The following MTCH2 variants were observed in gnomAD, a reference collection of about 807,000 sequenced individuals.
MTCH2 encodes mitochondrial carrier homolog 2.
A neutral mutation model predicts 50.6 loss-of-function variants in MTCH2; 25 were observed. The observed-to-expected ratio is 0.49, with a 90% CI of 0.36 to 0.69. MTCH2 has a LOEUF of 0.69. Ranked by LOEUF, MTCH2 falls within the 30% of genes least tolerant of loss-of-function variation. The pLI, the probability that MTCH2 is intolerant of heterozygous loss-of-function variation, is 0.00. For missense variants in MTCH2, 273 were observed against 384.4 expected, an observed-to-expected ratio of 0.71 and a Z score of 2.42; for synonymous variants, 106 against 132.0, an observed-to-expected ratio of 0.80 and a Z score of 1.35.
chr11:47,633,524 ATATTTTTT>A lies in MTCH2; in HGVS notation c.369+1140_369+1147del, dbSNP rs1377536247. 3.1e-4 allele frequency among the ~76,000 whole-genome samples: 17 copies of A among 55,300 alleles called. 1 individual carries two copies. The South Asian group carries it at 3.1e-3, about 10-fold the overall frequency. The allele number at this position is 55,300 out of a possible 152,430, so 36.3% of individuals were successfully genotyped here. ...TTTTGGAATATATATATATATATAT[ATATTTTTT>A]TTTTTTTTTTTTTTTTTTCTTGAGA... On this transcript the variant is annotated intron_variant, in intron 5 of 12. Coordinates refer to ENST00000302503, the MANE Select transcript of MTCH2 (RefSeq NM_014342.4).
At chr11:47,642,347 CG>C (rs1565979852) in intron 1 of MTCH2, 31 bp downstream of exon 1, 2 of 1,423,342 alleles carry the variant, frequency 1.4e-6, no homozygotes, top group Admixed American at 2.5e-5. Flanking sequence ...AACGGGGCGC[CG>C]GGCGGGGTAG....
the MTCH2 span, among the ~76,000 whole-genome samples, chr11:47,611,670 G>A: frequency 6.6e-6 from 1 of 152,178 alleles, no homozygotes; most frequent in Non-Finnish European, 1.5e-5. Flanking sequence ...GGAAGCTGCT[G>A]AGTCCTGAAT....
chr11:47,632,347 T>C (rs961349044), intron 5 of MTCH2, among the ~76,000 whole-genome samples: 1 of 151,942 alleles, frequency 6.6e-6, no homozygotes, highest in African/African-American at 2.4e-5. Context: ...GGTCTACCAT[T>C]GGCTTTTGCA....
intron 3 of MTCH2, among the ~76,000 whole-genome samples, chr11:47,636,126 T>C (rs2097308340): frequency 6.7e-6 from 1 of 148,984 alleles, no homozygotes; most frequent in Non-Finnish European, 1.5e-5. Context: ...AGAGTCCGTC[T>C]CAAGAAAAAA....
intron 11 of MTCH2, 115 bp from the exon 12 acceptor site, chr11:47,622,891 T>C (rs1296308499): frequency 4.9e-6 from 3 of 611,396 alleles, no homozygotes; most frequent in Non-Finnish European, 5.5e-6. Context: ...GAGATCATTT[T>C]AGTTCAATGA....
At chr11:47,614,463 G>C (rs1431354076), downstream of MTCH2, among the ~76,000 whole-genome samples, 1 of 152,056 alleles carries the variant, frequency 6.6e-6, no homozygotes, top group Non-Finnish European at 1.5e-5. Context: ...TGACCAGCTA[G>C]TTTTTCTTTT....
chr11:47,625,833 A>G, intron 10 of MTCH2, 92 bp from the exon 11 acceptor site: 2 of 959,342 alleles, frequency 2.1e-6, no homozygotes, highest in Non-Finnish European at 3.2e-6. Flanking sequence ...CACTGCGGTG[A>G]GACACTCTAA....
intron 1 of MTCH2, among the ~76,000 whole-genome samples, chr11:47,639,541 G>C (rs2097312000): frequency 6.6e-6 from 1 of 152,212 alleles, no homozygotes; most frequent in Non-Finnish European, 1.5e-5. Context: ...CTTCATGTTA[G>C]AAGAACAGGC....
At chr11:47,610,932 G>C in the MTCH2 span, among the ~76,000 whole-genome samples, 1 of 152,106 alleles carries the variant, frequency 6.6e-6, no homozygotes, top group Non-Finnish European at 1.5e-5. Context: ...CTTTCTCTCT[G>C]TGCATCCCAT....
At chr11:47,638,595 C>T in intron 3 of MTCH2, 104 bp downstream of exon 3, 1 of 542,108 alleles carries the variant, frequency 1.8e-6, no homozygotes, top group East Asian at 3.8e-5. Flanking sequence ...GAAGAAAGGA[C>T]AGGGTTATAA....
chr11:47,612,711 A>G (rs935775556), downstream of MTCH2, among the ~76,000 whole-genome samples: 2 of 151,690 alleles, frequency 1.3e-5, no homozygotes, highest in Admixed American at 6.6e-5. Context: ...CTGGGCAACC[A>G]GAGTGAGACC....
intron 8 of MTCH2, 181 bp from the exon 9 acceptor site, chr11:47,629,227 T>C: frequency 1.8e-6 from 1 of 564,378 alleles, no homozygotes; most frequent in Non-Finnish European, 3.2e-6. Context: ...ACAGCTGTAC[T>C]TGAAGCTGAT....
chr11:47,636,573 A>G (rs2153800702), intron 3 of MTCH2, among the ~76,000 whole-genome samples: 1 of 151,564 alleles, frequency 6.6e-6, no homozygotes, highest in East Asian at 1.9e-4. Context: ...CTCTACTAAA[A>G]ATACAAAAAT....
chr11:47,638,743 A>C lies in MTCH2; in HGVS notation c.235T>G (p.Cys79Gly). Residue 79 changes from cysteine to glycine, a missense_variant, in exon 3 of 13, where the codon TGT becomes GGT. Transcript: ENST00000302503. The stretch of plus-strand genomic sequence containing the variant: ...ACCACAGTTCCAAGGACTCCCGAAC[A>C]CAGTCTTGGAGTTAAGCCTGTGAAC... ...GLFTGLTPRL[C>G]SGVLGTVVHG... 4.3e-6 allele frequency: 6 copies of C among 1,400,354 alleles called. No individual in the cohort carries two copies. The highest frequency in any genetic ancestry group is 5.6e-6 in the Non-Finnish European group (6 of 1,075,418). The allele number at this position is 1,400,354 out of a possible 1,614,324, so 86.7% of individuals were successfully genotyped here. A position where few individuals can be genotyped will look rare whatever the true frequency, so the allele number is the denominator to read the frequency against.
At chr11:47,613,666 C>T (rs144577800), downstream of MTCH2, among the ~76,000 whole-genome samples, 792 of 152,202 alleles carry the variant, frequency 5.2e-3, 8 homozygotes, top group African/African-American at 0.017. Flanking sequence ...CAGTTGTTTC[C>T]GCTATTTATA....
intron 12 of MTCH2, among the ~76,000 whole-genome samples, chr11:47,621,659 T>C (rs1565962698): frequency 6.6e-6 from 1 of 152,158 alleles, no homozygotes; most frequent in Non-Finnish European, 1.5e-5. Context: ...GGTCTCAAAC[T>C]CCTGACCTCA....
chr11:47,638,926 C>G (rs1308132584), intron 2 of MTCH2, 41 bp downstream of exon 2: 3 of 1,586,976 alleles, frequency 1.9e-6, no homozygotes, highest in Non-Finnish European at 2.6e-6. Flanking sequence ...CTATCACAGT[C>G]CTCAACGTCA....
chr11:47,639,828 A>C (rs1489133441), intron 1 of MTCH2, among the ~76,000 whole-genome samples: 1 of 152,140 alleles, frequency 6.6e-6, no homozygotes, highest in Admixed American at 6.6e-5. Context: ...GACAACAGCG[A>C]GACTCCATCT....
At chr11:47,639,989 G>A (rs539263347) in intron 1 of MTCH2, among the ~76,000 whole-genome samples, 72 of 152,278 alleles carry the variant, frequency 4.7e-4, no homozygotes, top group African/African-American at 1.7e-3. Flanking sequence ...AATGAATGCT[G>A]TAGGACATAG....
Sources: gnomAD v4.1 joint callset for allele counts (sites outside exome capture counted in the v4.1 genomes callset) on GRCh38, gnomAD v4.1.1 for gene constraint, MANE v1.5 for transcripts, NCBI Gene and HGNC (gene_info 2026-07-23, HGNC 2026-07-21) for gene names.